Variants in WDPCP observed in about 807,000 individuals in gnomAD.
WDPCP encodes WD repeat containing planar cell polarity effector, also known as WD repeat-containing and planar cell polarity effector protein fritz homolog.
In WDPCP, 71 loss-of-function variants were observed where a neutral mutation model predicts 93.1. The observed-to-expected ratio is 0.76, with a 90% CI of 0.63 to 0.93. The LOEUF is 0.93. WDPCP is among the 40% of genes least tolerant of loss of function. The pLI, the probability that WDPCP is intolerant of heterozygous loss-of-function variation, is 0.00. For missense variants in WDPCP, 844 were observed against 887.4 expected (o/e 0.95, Z 0.62); for synonymous variants, 315 against 315.0 (o/e 1.00, Z 0.00).
At chr2:63,246,560 G>A (rs900905098) in intron 14 of WDPCP, among the ~76,000 whole-genome samples, 1 of 152,172 alleles carries the variant, frequency 6.6e-6, no homozygotes, top group Non-Finnish European at 1.5e-5. Flanking sequence ...AGAAGCATGG[G>A]TGCAGAAGGT....
chr2:63,670,903 T>C (rs1247615741), intron 2 of WDPCP, among the ~76,000 whole-genome samples: 1 of 151,898 alleles, frequency 6.6e-6, no homozygotes, highest in African/African-American at 2.4e-5. Context: ...AGGAAAAAAT[T>C]AGGGAAAAGG....
intron 1 of WDPCP, among the ~76,000 whole-genome samples, chr2:63,574,996 T>A (rs1480161380): frequency 6.6e-6 from 1 of 152,174 alleles, no homozygotes; most frequent in Non-Finnish European, 1.5e-5. Flanking sequence ...TATATTTTTT[T>A]GAGAATCATG....
chr2:63,746,409 T>G (rs1669798099), intron 2 of WDPCP, among the ~76,000 whole-genome samples: 1 of 152,152 alleles, frequency 6.6e-6, no homozygotes, highest in African/African-American at 2.4e-5. Flanking sequence ...ATGGGCACCT[T>G]AAGAACAGGA....
chr2:63,752,014 C>T, intron 2 of WDPCP: 3 of 628,164 alleles, frequency 4.8e-6, no homozygotes, highest in Non-Finnish European at 9.0e-6. Context: ...GAAACAACCT[C>T]CACAACCAAC....
At chr2:63,715,485 T>A (rs898282738) in intron 2 of WDPCP, among the ~76,000 whole-genome samples, 1 of 152,190 alleles carries the variant, frequency 6.6e-6, no homozygotes, top group Non-Finnish European at 1.5e-5. Context: ...GCCAGCTTCA[T>A]AAAGAGAAGC....
chr2:63,515,976 C>T (rs747639341), intron 1 of WDPCP, among the ~76,000 whole-genome samples: 6 of 150,838 alleles, frequency 4.0e-5, no homozygotes, highest in African/African-American at 4.9e-5. Flanking sequence ...GCCAAGATCA[C>T]GCTATTGCAC....
the WDPCP span, among the ~76,000 whole-genome samples, chr2:63,835,389 CAAAAAAAAAAAAAAA>C: frequency 2.4e-5 from 1 of 42,352 alleles, no homozygotes; most frequent in African/African-American, 9.1e-5. Context: ...GACTCCATCT[CAAAAAAAAAAAAAAA>C]AAAAAAAAGA....
chr2:63,588,927 C>A, upstream of WDPCP: 1 of 1,423,074 alleles, frequency 7.0e-7, no homozygotes, highest in Non-Finnish European at 9.9e-7. Flanking sequence ...GCGTCGGGAG[C>A]GGAGCCTTTT....
At chr2:63,801,479 C>G (rs954857485) in intron 2 of WDPCP, among the ~76,000 whole-genome samples, 1 of 152,180 alleles carries the variant, frequency 6.6e-6, no homozygotes, top group Admixed American at 6.5e-5. Context: ...GCTCCCACAG[C>G]ATGGAAGGTG....
chr2:63,503,531 C>T (rs1244118220), intron 1 of WDPCP, among the ~76,000 whole-genome samples: 1 of 151,878 alleles, frequency 6.6e-6, no homozygotes, highest in Non-Finnish European at 1.5e-5. Context: ...CCTCTCACCA[C>T]CTCCACTCAA....
chr2:63,486,547 G>A lies in WDPCP; in HGVS notation c.248C>T (p.Ala83Val). The change falls in exon 4 of 18, where the codon GCA (alanine) becomes GTA (valine). Residue 83 changes from alanine (A) to valine (V), a missense_variant. By Grantham distance (64) the Ala-to-Val change is moderately conservative. Transcript: ENST00000272321. Reference protein sequence around the residue: ...HGNLEKKQKLAESRDYPWTLK... With the variant: ...HGNLEKKQKLVESRDYPWTLK... ...AAAATATAAAGTAAGCTTACACTCT[G>A]CCAGCTTCTGCTTCTTTTCTAAGTT... 6 of 1,573,500 alleles carry A rather than the reference G, an allele frequency of 3.8e-6. No homozygotes were observed. Among genetic ancestry groups the A allele is most frequent in the Non-Finnish European group, 5.2e-6 (6 of 1,156,268 alleles).
chr2:63,737,911 T>G (rs1251831207), intron 2 of WDPCP, among the ~76,000 whole-genome samples: 1 of 152,194 alleles, frequency 6.6e-6, no homozygotes, highest in Non-Finnish European at 1.5e-5. Context: ...TTTGAGTTAG[T>G]ATACATCTAG....
intron 9 of WDPCP, among the ~76,000 whole-genome samples, chr2:63,430,339 G>A (rs997328530): frequency 6.6e-6 from 1 of 152,070 alleles, no homozygotes; most frequent in African/African-American, 2.4e-5. Context: ...ATATACCTTT[G>A]TTAACAAGCC....
At position 63,121,932 on chromosome 2, in the gene WDPCP, G is replaced by A. The variant is rs1337664556; in HGVS notation, c.*74C>T. 30 of 1,595,120 alleles carry A rather than the reference G, an allele frequency of 1.9e-5. No homozygotes were observed. Among genetic ancestry groups the A allele is most frequent in the African/African-American group, 5.4e-5 (4 of 73,810 alleles). On this transcript the variant is annotated 3_prime_UTR_variant, in exon 18 of 18. Coordinates refer to ENST00000272321, the MANE Select transcript of WDPCP (RefSeq NM_015910.7). Reference sequence around the variant, plus strand: ...ACTGTCTCTTGTTAAAAATCCACACGGGGGATTTTAAGTCTGTATCAGGCC... The same window carrying A: ...ACTGTCTCTTGTTAAAAATCCACACAGGGGATTTTAAGTCTGTATCAGGCC...
At chr2:63,217,193 G>T (rs953734811) in intron 14 of WDPCP, among the ~76,000 whole-genome samples, 9 of 152,276 alleles carry the variant, frequency 5.9e-5, no homozygotes, top group African/African-American at 1.9e-4. Context: ...AACATCAAAA[G>T]AATTTTCTGA....
At chr2:63,369,888 T>C (rs1223498803) in intron 12 of WDPCP, among the ~76,000 whole-genome samples, 1 of 152,086 alleles carries the variant, frequency 6.6e-6, no homozygotes, top group African/African-American at 2.4e-5. Flanking sequence ...AAGCAAAATA[T>C]AAGGACTTCT....
intron 15 of WDPCP, among the ~76,000 whole-genome samples, chr2:63,163,925 C>CAA (rs1672796753): frequency 1.3e-5 from 2 of 152,034 alleles, no homozygotes; most frequent in African/African-American, 4.8e-5. Context: ...AAAATCACGC[C>CAA]AAAATTTAAC....
intron 12 of WDPCP, among the ~76,000 whole-genome samples, chr2:63,341,473 G>A (rs6717060): frequency 0.78 from 119,182 of 152,178 alleles, 47,261 homozygotes; most frequent in East Asian, 0.96. Context: ...CCTGCAGAAT[G>A]CCCTTGAGAA....
At chr2:63,304,274 G>A (rs1352161804) in intron 13 of WDPCP, among the ~76,000 whole-genome samples, 3 of 152,174 alleles carry the variant, frequency 2.0e-5, no homozygotes, top group African/African-American at 7.2e-5. Context: ...AAGAAAATGT[G>A]ACATATGGGT....
Sources: gnomAD v4.1 joint callset for allele counts (sites outside exome capture counted in the v4.1 genomes callset) on GRCh38, gnomAD v4.1.1 for gene constraint, MANE v1.5 for transcripts, NCBI Gene and HGNC (gene_info 2026-07-23, HGNC 2026-07-21) for gene names.